Variants in TBC1D32 observed in about 807,000 individuals in gnomAD.
The protein encoded by TBC1D32 is TBC1 domain family member 32.
Under a neutral mutation model 170.3 loss-of-function variants are expected in TBC1D32, and 151 were observed. The observed-to-expected ratio is 0.89, with a 90% confidence interval of 0.78 to 1.01. TBC1D32 has a LOEUF of 1.01. Ranked by LOEUF, TBC1D32 falls within the 50% of genes least tolerant of loss-of-function variation. The pLI is 0.00. For missense variants in TBC1D32, 1,464 were observed against 1,457.1 expected, an observed-to-expected ratio of 1.00 and a Z score of -0.08; for synonymous variants, 498 against 488.0, an observed-to-expected ratio of 1.02 and a Z score of -0.27.
At chr6:121,285,712 G>A (rs557133718) in intron 12 of TBC1D32, among the ~76,000 whole-genome samples, 2 of 152,228 alleles carry the variant, frequency 1.3e-5, no homozygotes, top group East Asian at 3.9e-4. Flanking sequence ...CCTGACCCCC[G>A]AGTAGCCTAA....
chr6:121,290,327 C>A (rs570265843), intron 12 of TBC1D32, among the ~76,000 whole-genome samples: 1,567 of 152,086 alleles, frequency 0.01, 18 homozygotes, highest in African/African-American at 0.034. Context: ...ACCCCATCAA[C>A]AAGTGGGCAA....
chr6:121,125,000 C>T (rs984220403), intron 26 of TBC1D32, among the ~76,000 whole-genome samples: 2 of 152,168 alleles, frequency 1.3e-5, no homozygotes, highest in African/African-American at 4.8e-5. Flanking sequence ...TGAGATCACA[C>T]ATCTCTGTCA....
Position 121,283,881 on chromosome 6 carries a change from G to C in TBC1D32, c.1402C>G (p.Leu468Val). The change falls in exon 13 of 32, where the codon CTT (leucine) becomes GTT (valine). Residue 468 changes from leucine to valine, a missense_variant. Physicochemically the swap from Leu to Val is conservative, Grantham distance 32. This residue lies in a region of TBC1D32 where 1,363 missense variants were observed against 1,338.1 expected (regional missense o/e 1.02). Transcript: ENST00000398212. Reference sequence around the variant, plus strand: ...GAGTAATAGATAAGTTGGGTAAAAAGAACAAGCAGATCTATGAGGGATACC... The same window carrying C: ...GAGTAATAGATAAGTTGGGTAAAAACAACAAGCAGATCTATGAGGGATACC... ...GLVSLIDLLVLFTQLIYYSPS... is the reference protein window; with the variant it reads ...GLVSLIDLLVVFTQLIYYSPS... The C allele has an allele frequency of 6.2e-7, 1 of 1,610,830 alleles. No homozygotes were observed. Among genetic ancestry groups the C allele is most frequent in the South Asian group, 1.1e-5 (1 of 90,604 alleles).
chr6:121,241,449 A>C lies in TBC1D32; in HGVS notation c.2245+16T>G, dbSNP rs116797228. On this transcript the variant is annotated intron_variant, in intron 19 of 31. Transcript: ENST00000398212. ...CTTTAAAATAATTATAATTCTAATG[A>C]AAAGAAAACATTTACCTGACTTTTT... is the stretch of plus-strand genomic sequence containing the variant. 2.1e-3 allele frequency: 3,284 copies of C among 1,601,550 alleles called. 72 individuals are homozygous for C. In the African/African-American group the frequency reaches 0.04, roughly 19 times the overall value.
chr6:121,239,608 G>A lies in TBC1D32; in HGVS notation c.2246-420C>T, dbSNP rs117712995. ...GGGAGGAGAGAAAGAGGTAACAGGA[G>A]GCCAGGTAGGCATCCAAAGAGTGTA... On this transcript the variant is annotated intron_variant, in intron 19 of 31. Coordinates refer to ENST00000398212, the MANE Select transcript of TBC1D32 (RefSeq NM_152730.6). Among the ~76,000 whole-genome samples, 41 of 152,168 alleles carry A rather than the reference G, an allele frequency of 2.7e-4. No homozygotes were observed. In the East Asian group the frequency reaches 7.2e-3, roughly 27 times the overall value.
chr6:121,253,159 A>G (rs1049397394), intron 17 of TBC1D32, among the ~76,000 whole-genome samples: 2 of 152,178 alleles, frequency 1.3e-5, no homozygotes, highest in Admixed American at 1.3e-4. Flanking sequence ...AAGCGGAGTA[A>G]CCACAACCCA....
intron 25 of TBC1D32, among the ~76,000 whole-genome samples, chr6:121,128,320 T>C (rs1781071415): frequency 6.6e-6 from 1 of 152,170 alleles, no homozygotes; most frequent in African/African-American, 2.4e-5. Context: ...ATGTGGTCAT[T>C]GAACCTATGA....
intron 24 of TBC1D32, 99 bp downstream of exon 24, chr6:121,159,911 C>T (rs1785396440): frequency 6.2e-6 from 5 of 801,024 alleles, no homozygotes; most frequent in Non-Finnish European, 1.0e-5. Flanking sequence ...TGTATACATG[C>T]TAAATGCAGT....
intron 15 of TBC1D32, among the ~76,000 whole-genome samples, chr6:121,274,337 AAAAC>A (rs1583513989): frequency 6.6e-6 from 1 of 151,550 alleles, no homozygotes; most frequent in Admixed American, 6.6e-5. Context: ...CTCTGTCTCA[AAAAC>A]AAACAAACAA....
At chr6:121,209,702 G>T (rs917210495) in intron 21 of TBC1D32, among the ~76,000 whole-genome samples, 1 of 152,158 alleles carries the variant, frequency 6.6e-6, no homozygotes, top group South Asian at 2.1e-4. Flanking sequence ...AACTAATGCA[G>T]GCAGTCTGGC....
intron 30 of TBC1D32, among the ~76,000 whole-genome samples, chr6:121,093,350 T>C (rs1777038330): frequency 6.6e-6 from 1 of 152,152 alleles, no homozygotes; most frequent in African/African-American, 2.4e-5. Flanking sequence ...GTACTTTGAC[T>C]AGAAGCAATA....
chr6:121,194,970 A>AG (rs1409525878), intron 22 of TBC1D32, among the ~76,000 whole-genome samples: 1 of 152,226 alleles, frequency 6.6e-6, no homozygotes, highest in Non-Finnish European at 1.5e-5. Context: ...TAAAATGTCT[A>AG]GGGGTCCAGT....
intron 26 of TBC1D32, among the ~76,000 whole-genome samples, chr6:121,116,638 T>C (rs1415466312): frequency 3.9e-5 from 6 of 152,188 alleles, no homozygotes; most frequent in Admixed American, 2.6e-4. Flanking sequence ...ATTCCCATCA[T>C]GATGTGTTCC....
At chr6:121,194,187 C>T (rs1006567966) in intron 22 of TBC1D32, among the ~76,000 whole-genome samples, 15 of 152,194 alleles carry the variant, frequency 9.9e-5, no homozygotes, top group Admixed American at 9.8e-4. Flanking sequence ...TACAGTGTGT[C>T]CAGTTGGTCC....
chr6:121,297,265 T>A (rs1262134282), intron 10 of TBC1D32, among the ~76,000 whole-genome samples: 1 of 152,058 alleles, frequency 6.6e-6, no homozygotes, highest in Admixed American at 6.6e-5. Flanking sequence ...GCTATAAAAC[T>A]CAGGATTGTA....
chr6:121,170,627 T>G, intron 22 of TBC1D32: 1 of 785,134 alleles, frequency 1.3e-6, no homozygotes, highest in Non-Finnish European at 1.8e-6. Context: ...CATCAAAATC[T>G]AAATCTAACA....
In TBC1D32 at chr6:121,241,695, A is replaced by C. The variant is rs1055198801; in HGVS notation, c.2158-143T>G. 53 of 736,954 alleles carry C rather than the reference A, an allele frequency of 7.2e-5. 1 individual carries two copies. In the Admixed American group the frequency reaches 1.3e-3, roughly 19 times the overall value. The allele number at this position is 736,954 out of a possible 1,614,324, so 45.7% of individuals were successfully genotyped here. A position where few individuals can be genotyped will look rare whatever the true frequency, so the allele number is the denominator to read the frequency against. Reference sequence around the variant, plus strand: ...TACCTAAGATCTTAAAAAGCCCAAAAGTCTAGGGATATTTAGTATGACAGA... The same window carrying C: ...TACCTAAGATCTTAAAAAGCCCAAACGTCTAGGGATATTTAGTATGACAGA... On this transcript the variant is annotated intron_variant, in intron 18 of 31. Coordinates refer to ENST00000398212, the MANE Select transcript of TBC1D32 (RefSeq NM_152730.6).
intron 21 of TBC1D32, among the ~76,000 whole-genome samples, chr6:121,211,913 A>C (rs1345109222): frequency 1.3e-5 from 2 of 151,988 alleles, no homozygotes; most frequent in African/African-American, 4.8e-5. Flanking sequence ...CACTGCACAC[A>C]CAGTTCCTCG....
intron 22 of TBC1D32, among the ~76,000 whole-genome samples, chr6:121,172,759 A>C (rs998682991): frequency 3.9e-5 from 6 of 152,126 alleles, no homozygotes; most frequent in African/African-American, 1.4e-4. Context: ...TCTTCATTTT[A>C]TTTCCTTTCT....
Sources: gnomAD v4.1 joint callset for allele counts (sites outside exome capture counted in the v4.1 genomes callset) on GRCh38, gnomAD v4.1.1 for gene constraint, gnomAD v4.1.1 regional missense constraint, MANE v1.5 for transcripts, NCBI Gene and HGNC (gene_info 2026-07-23, HGNC 2026-07-21) for gene names.